The following ADGB variants were observed in gnomAD, a reference collection of about 807,000 sequenced individuals.
ADGB encodes the protein calpain-7-like protein.
Under a neutral mutation model 210.5 loss-of-function variants are expected in ADGB, and 172 were observed. The ratio of observed to expected loss-of-function variants is 0.82; its 90% CI spans 0.72 to 0.93. ADGB has a LOEUF of 0.93. Among genes scored for constraint, ADGB ranks in the 40% least tolerant of loss-of-function variants. The pLI is 0.00. For synonymous variants in ADGB, 658 were observed against 662.7 expected (o/e 0.99, Z 0.11); for missense variants, 2,025 against 1,964.8 (o/e 1.03, Z -0.58).
At position 146,635,476 on chromosome 6, in the gene ADGB, A is replaced by G. The variant is rs963624594; in HGVS notation, c.176A>G (p.Glu59Gly). The G allele has an allele frequency of 6.5e-7, 1 of 1,548,988 alleles. No individual in the cohort carries two copies. The highest frequency in any genetic ancestry group is 1.7e-4 in the Middle Eastern group (1 of 5,972). ...TGGAGTGAAGCTGACATAAATTCAG[A>G]AAAGTGGGATGCAGGCAAAGGTGCA... Reference protein sequence around the residue: ...PEWSEADINSEKWDAGKGAKE... With the variant: ...PEWSEADINSGKWDAGKGAKE... The change falls in exon 2 of 36, where the codon GAA becomes GGA. Residue 59 changes from glutamate to glycine, a missense_variant. Glu to Gly is a moderately conservative substitution (Grantham distance 98, BLOSUM62 -2). Coordinates refer to ENST00000397944, the MANE Select transcript of ADGB (RefSeq NM_024694.4).
In ADGB at chr6:146,644,843, C is replaced by G; in HGVS notation, c.308C>G (p.Pro103Arg). 6.7e-7 allele frequency: 1 copy of G among 1,486,814 alleles called. No homozygotes were observed. Among genetic ancestry groups the G allele is most frequent in the South Asian group, 1.4e-5 (1 of 69,422 alleles). The allele number at this position is 1,486,814 out of a possible 1,614,324, so 92.1% of individuals were successfully genotyped here. A position where few individuals can be genotyped will look rare whatever the true frequency, so the allele number is the denominator to read the frequency against. The change falls in exon 3 of 36, where the codon CCA becomes CGA. Residue 103 changes from proline (P) to arginine (R), a missense_variant. Coordinates refer to ENST00000397944, the MANE Select transcript of ADGB (RefSeq NM_024694.4). ...TTGAAAATTTATTCCTGGAAACGTCCACAAGATATTTTATTTAGTCAGGTA... is the reference window on the plus strand; with the variant it reads ...TTGAAAATTTATTCCTGGAAACGTCGACAAGATATTTTATTTAGTCAGGTA... ...PSLKIYSWKR[P>R]QDILFSQTPV...
intron 9 of ADGB, among the ~76,000 whole-genome samples, chr6:146,680,861 T>A (rs1325360916): frequency 6.6e-6 from 1 of 152,132 alleles, no homozygotes; most frequent in Admixed American, 6.6e-5. Context: ...TTACCACAAT[T>A]AATTGGAGAT....
intron 9 of ADGB, among the ~76,000 whole-genome samples, chr6:146,681,939 G>A (rs1007255642): frequency 6.6e-6 from 1 of 151,936 alleles, no homozygotes. Context: ...TAACCTATCC[G>A]TAACTCAGTT....
At chr6:146,689,146 G>T (rs1776269794) in intron 10 of ADGB, among the ~76,000 whole-genome samples, 1 of 152,012 alleles carries the variant, frequency 6.6e-6, no homozygotes, top group African/African-American at 2.4e-5. Flanking sequence ...AGAGTGAAAG[G>T]GTCTTAGGAA....
intron 35 of ADGB, chr6:146,803,916 A>C: frequency 3.6e-6 from 1 of 275,550 alleles, no homozygotes; most frequent in Non-Finnish European, 6.7e-6. Flanking sequence ...TGCCTACAGA[A>C]TCCCCAAAAA....
chr6:146,664,273 A>C lies in ADGB; in HGVS notation c.685A>C (p.Thr229Pro). ...AGATAACAATCTATTGCTTCCAGCT[A>C]CAACTTATGAATTTGAACTGTGGCC... ...DEDNNLLLPA[T>P]TYEFELWPML... Residue 229 changes from threonine to proline, a missense_variant, in exon 6 of 36, where the codon ACA becomes CCA. Coordinates refer to ENST00000397944, the MANE Select transcript of ADGB (RefSeq NM_024694.4). The C allele has an allele frequency of 1.9e-6, 3 of 1,550,144 alleles. No homozygotes were observed. Among genetic ancestry groups the C allele is most frequent in the Non-Finnish European group, 2.6e-6 (3 of 1,146,150 alleles).
chr6:146,747,875 C>T (rs1386715666), intron 26 of ADGB, among the ~76,000 whole-genome samples: 2 of 150,782 alleles, frequency 1.3e-5, no homozygotes, highest in South Asian at 2.1e-4. Flanking sequence ...CTCTGCCTCC[C>T]GGGTTCAAGT....
intron 6 of ADGB, among the ~76,000 whole-genome samples, chr6:146,666,609 C>T (rs9403801): frequency 1.3e-5 from 2 of 151,488 alleles, no homozygotes; most frequent in Admixed American, 1.3e-4. Flanking sequence ...TATAAACATG[C>T]CTTGCAAATA....
chr6:146,661,984 C>T (rs561201628), intron 5 of ADGB, among the ~76,000 whole-genome samples: 5 of 152,094 alleles, frequency 3.3e-5, no homozygotes, highest in Non-Finnish European at 7.4e-5. Flanking sequence ...ATTCTTCTGG[C>T]CTCCCTGGCT....
chr6:146,786,961 G>A (rs1007207934), intron 32 of ADGB, among the ~76,000 whole-genome samples: 6 of 152,120 alleles, frequency 3.9e-5, no homozygotes, highest in African/African-American at 1.4e-4. Context: ...GAACAAGTGG[G>A]GAATTAAAAC....
chr6:146,687,447 C>T (rs552459372), intron 10 of ADGB, among the ~76,000 whole-genome samples: 24 of 152,064 alleles, frequency 1.6e-4, no homozygotes, highest in Admixed American at 1.1e-3. Flanking sequence ...ATATGCACCA[C>T]GGAATACTAC....
intron 9 of ADGB, among the ~76,000 whole-genome samples, chr6:146,677,034 A>C (rs1415644392): frequency 6.6e-6 from 1 of 152,178 alleles, no homozygotes; most frequent in East Asian, 1.9e-4. Flanking sequence ...TTTCTCTATC[A>C]CTTAAAATCA....
intron 12 of ADGB, 112 bp from the exon 13 acceptor site, chr6:146,700,829 C>A: frequency 1.6e-6 from 2 of 1,239,514 alleles, no homozygotes; most frequent in Admixed American, 2.9e-5. Context: ...ATGAGAATGA[C>A]AAATAGAACA....
chr6:146,801,684 C>A (rs925178772), intron 34 of ADGB, 144 bp from the exon 35 acceptor site: 8 of 641,102 alleles, frequency 1.2e-5, no homozygotes, highest in Non-Finnish European at 2.0e-5. Context: ...AGAAAACAAC[C>A]ATTTATTTTT....
rs1776933083 is a variant in ADGB, at chr6:146,728,579, C to T, written c.2358C>T (p.Ser786=). ...HVVLPNFEPE[S]CRFTEQSLLI... ...GCCATGCTTTGTCTTCACAGGAGAG[C>T]TGCCGATTTACGGAACAGTCTCTGT... Residue 786 remains serine, a synonymous_variant, in exon 20 of 36, where the codon AGC becomes AGT. Transcript: ENST00000397944. 1 of 1,550,772 alleles carries T rather than the reference C, an allele frequency of 6.4e-7. No homozygotes were observed. The highest frequency in any genetic ancestry group is 1.4e-5 in the African/African-American group (1 of 73,028).
At chr6:146,737,858 C>T (rs891861352) in intron 23 of ADGB, among the ~76,000 whole-genome samples, 1 of 152,204 alleles carries the variant, frequency 6.6e-6, no homozygotes, top group Non-Finnish European at 1.5e-5. Flanking sequence ...CTTTCCACTA[C>T]AGCCAAGACC....
chr6:146,645,961 C>T (rs1044696396), intron 3 of ADGB, among the ~76,000 whole-genome samples: 2 of 151,722 alleles, frequency 1.3e-5, no homozygotes, highest in Non-Finnish European at 2.9e-5. Flanking sequence ...AATATGAATT[C>T]AGTGATATTA....
At chr6:146,708,732 A>G (rs1349819581) in intron 13 of ADGB, among the ~76,000 whole-genome samples, 1 of 151,900 alleles carries the variant, frequency 6.6e-6, no homozygotes, top group African/African-American at 2.4e-5. Flanking sequence ...ACCTTCCTCT[A>G]CCTGGATATA....
intron 27 of ADGB, among the ~76,000 whole-genome samples, chr6:146,755,968 G>C (rs1777401216): frequency 6.6e-6 from 1 of 151,746 alleles, no homozygotes; most frequent in Non-Finnish European, 1.5e-5. Flanking sequence ...GTTTTGTTTT[G>C]TTTTAGTTAT....
Sources: gnomAD v4.1 joint callset for allele counts (sites outside exome capture counted in the v4.1 genomes callset) on GRCh38, gnomAD v4.1.1 for gene constraint, MANE v1.5 for transcripts, NCBI Gene and HGNC (gene_info 2026-07-23, HGNC 2026-07-21) for gene names.